The following NEGR1 variants were observed in gnomAD, a reference collection of about 807,000 sequenced individuals.
NEGR1 encodes the protein neuronal growth regulator 1.
A neutral mutation model predicts 40.9 loss-of-function variants in NEGR1; 10 were observed. The ratio of observed to expected loss-of-function variants is 0.24; its 90% CI spans 0.15 to 0.42. NEGR1 has a LOEUF of 0.42. NEGR1 is among the 10% of genes least tolerant of loss of function. The probability of loss-of-function intolerance (pLI) is 1.00; values close to 1 mark genes in which losing one functional copy is unlikely to be tolerated. For synonymous variants in NEGR1, 185 were observed against 166.8 expected (o/e 1.11, Z -0.84); for missense variants, 352 against 438.9 (o/e 0.80, Z 1.77).
At chr1:72,235,197 A>G (rs1654507570) in intron 1 of NEGR1, among the ~76,000 whole-genome samples, 2 of 152,292 alleles carry the variant, frequency 1.3e-5, no homozygotes, top group South Asian at 2.1e-4. Context: ...TTCAGAAGAC[A>G]GAAGATTGTG....
chr1:71,559,413 T>C (rs772827131), intron 6 of NEGR1, among the ~76,000 whole-genome samples: 4 of 151,742 alleles, frequency 2.6e-5, no homozygotes, highest in Non-Finnish European at 5.9e-5. Context: ...GGTTATGTGA[T>C]TCATTTGTTA....
chr1:71,418,971 T>C (rs1471111284), intron 6 of NEGR1, among the ~76,000 whole-genome samples: 2 of 152,218 alleles, frequency 1.3e-5, no homozygotes, highest in African/African-American at 4.8e-5. Context: ...CCTTACATCT[T>C]CTCATTACAT....
At chr1:72,208,594 C>T (rs1182111405) in intron 1 of NEGR1, among the ~76,000 whole-genome samples, 1 of 151,406 alleles carries the variant, frequency 6.6e-6, no homozygotes, top group Non-Finnish European at 1.5e-5. Context: ...CGGTATATTA[C>T]AATAAAGTAG....
intron 4 of NEGR1, among the ~76,000 whole-genome samples, chr1:71,615,358 G>T (rs1650415500): frequency 6.6e-6 from 1 of 152,080 alleles, no homozygotes; most frequent in African/African-American, 2.4e-5. Context: ...AACAGAGCAG[G>T]GTGAAAGAAA....
At chr1:71,977,465 G>A (rs551244565) in intron 1 of NEGR1, among the ~76,000 whole-genome samples, 91 of 152,214 alleles carry the variant, frequency 6.0e-4, no homozygotes, top group African/African-American at 2.2e-3. Context: ...TTCTCTGCTT[G>A]AAGAAAATCT....
rs114684171 is a variant in NEGR1 at position 71,803,869 on chromosome 1, G to A, written c.410-27572C>T. On this transcript the variant is annotated intron_variant, in intron 2 of 6. Transcript: ENST00000357731. ...GATCTTGGTCATTGTTCACTTCAGT[G>A]CCTAGAATAGATTCTGTCAGATAAT... Among the ~76,000 whole-genome samples, 1,469 of 152,128 alleles carry A rather than the reference G, an allele frequency of 9.7e-3. 29 individuals are homozygous for A. Among genetic ancestry groups the A allele is most frequent in the African/African-American group, 0.034 (1,403 of 41,506 alleles).
At chr1:71,524,231 T>C (rs958035064) in intron 6 of NEGR1, among the ~76,000 whole-genome samples, 1 of 151,574 alleles carries the variant, frequency 6.6e-6, no homozygotes, top group African/African-American at 2.4e-5. Context: ...TTCTTTCCTG[T>C]TATAGATGCC....
chr1:72,116,268 C>A (rs138840863), intron 1 of NEGR1, among the ~76,000 whole-genome samples: 2,245 of 151,792 alleles, frequency 0.015, 43 homozygotes, highest in African/African-American at 0.051. Context: ...TTAAAAGATA[C>A]TTAGAAAGTT....
At chr1:71,856,086 G>GA (rs974040319) in intron 2 of NEGR1, among the ~76,000 whole-genome samples, 4 of 151,978 alleles carry the variant, frequency 2.6e-5, no homozygotes, top group South Asian at 2.1e-4. Flanking sequence ...AATGGGGCAG[G>GA]AAAAAATGTA....
intron 4 of NEGR1, among the ~76,000 whole-genome samples, chr1:71,645,517 C>T (rs1440103897): frequency 1.3e-5 from 2 of 151,618 alleles, no homozygotes; most frequent in Non-Finnish European, 2.9e-5. Flanking sequence ...TTTCTCATTC[C>T]CACAGCAGAA....
At chr1:71,949,128 A>G (rs889891826) in intron 1 of NEGR1, among the ~76,000 whole-genome samples, 1 of 152,126 alleles carries the variant, frequency 6.6e-6, no homozygotes, top group Admixed American at 6.6e-5. Context: ...TTAGGGACTA[A>G]ATTTTTCTCA....
At chr1:72,172,261 C>G (rs1212180987) in intron 1 of NEGR1, among the ~76,000 whole-genome samples, 3 of 152,088 alleles carry the variant, frequency 2.0e-5, no homozygotes, top group African/African-American at 7.2e-5. Flanking sequence ...AGTTCCTTTT[C>G]TACATTATTT....
chr1:71,855,292 G>A (rs1475839533), intron 2 of NEGR1, among the ~76,000 whole-genome samples: 1 of 152,034 alleles, frequency 6.6e-6, no homozygotes, highest in Non-Finnish European at 1.5e-5. Flanking sequence ...GATGAACTAT[G>A]AGGAAACTTC....
chr1:72,102,101 G>T (rs1396886984), intron 1 of NEGR1, among the ~76,000 whole-genome samples: 2 of 152,060 alleles, frequency 1.3e-5, no homozygotes, highest in South Asian at 2.1e-4. Flanking sequence ...TTACTCTAAA[G>T]AAAACTAAAG....
At chr1:71,814,920 A>T (rs1193387207) in intron 2 of NEGR1, among the ~76,000 whole-genome samples, 1 of 151,756 alleles carries the variant, frequency 6.6e-6, no homozygotes, top group Non-Finnish European at 1.5e-5. Context: ...TTCCACTCTG[A>T]TCTTGGTTAC....
intron 6 of NEGR1, among the ~76,000 whole-genome samples, chr1:71,482,057 A>C (rs918528460): frequency 7.2e-5 from 11 of 151,808 alleles, no homozygotes; most frequent in African/African-American, 2.7e-4. Flanking sequence ...CATTACCAGC[A>C]CTAGGTCTTT....
chr1:71,717,751 G>A (rs1654326140), intron 3 of NEGR1, among the ~76,000 whole-genome samples: 1 of 152,098 alleles, frequency 6.6e-6, no homozygotes, highest in Non-Finnish European at 1.5e-5. Context: ...TTGCTGGTAG[G>A]GTCCTTAAAA....
rs185109888 is a variant in NEGR1 at position 72,190,835 on chromosome 1, T to C, written c.176+91484A>G. Among the ~76,000 whole-genome samples, 100 of 151,718 alleles carry C rather than the reference T, an allele frequency of 6.6e-4. 2 individuals are homozygous for C. Among genetic ancestry groups the C allele is most frequent in the East Asian group, 1.7e-3 (9 of 5,146 alleles). On this transcript the variant is annotated intron_variant, in intron 1 of 6. Coordinates refer to ENST00000357731, the MANE Select transcript of NEGR1 (RefSeq NM_173808.3). ...GAACATAACTAAATAATTTTTGATATGTATGCAAAAATTAACTTACAATAT... is the reference window on the plus strand; with the variant it reads ...GAACATAACTAAATAATTTTTGATACGTATGCAAAAATTAACTTACAATAT...
intron 1 of NEGR1, among the ~76,000 whole-genome samples, chr1:72,279,290 G>A (rs1656165474): frequency 6.6e-6 from 1 of 152,046 alleles, no homozygotes; most frequent in Non-Finnish European, 1.5e-5. Context: ...CAGATATTCT[G>A]GCACTTAGGA....
Sources: allele counts gnomAD v4.1 joint callset (sites outside exome capture counted in the v4.1 genomes callset), GRCh38; gene constraint gnomAD v4.1.1; transcripts MANE v1.5; gene names NCBI Gene and HGNC (gene_info 2026-07-23, HGNC 2026-07-21).